CSMD1: variants seen among roughly 807,000 people sequenced by gnomAD.
CSMD1 encodes CUB and Sushi multiple domains 1.
In CSMD1, 213 loss-of-function variants were observed where a neutral mutation model predicts 417.5. That is an observed-to-expected ratio of 0.51 (90% CI 0.46 to 0.57). CSMD1 has a LOEUF of 0.57. Among genes scored for constraint, CSMD1 ranks in the 20% least tolerant of loss-of-function variants. The pLI is 0.00. For synonymous variants in CSMD1, 2,862 were observed against 1,736.8 expected (o/e 1.65, Z -16.11); for missense variants, 6,923 against 4,529.7 (o/e 1.53, Z -15.17).
chr8:3,598,997 C>G (rs370757510), intron 8 of CSMD1, among the ~76,000 whole-genome samples: 1 of 152,036 alleles, frequency 6.6e-6, no homozygotes, highest in African/African-American at 2.4e-5. Flanking sequence ...AGGAGAATTC[C>G]GTGAATGTGG....
chr8:4,499,787 G>T (rs1441213428), intron 2 of CSMD1, among the ~76,000 whole-genome samples: 1 of 152,094 alleles, frequency 6.6e-6, no homozygotes, highest in Non-Finnish European at 1.5e-5. Context: ...GGGAAGGAAG[G>T]GAAGTAAATT....
chr8:4,498,873 G>A (rs73180927), intron 2 of CSMD1, among the ~76,000 whole-genome samples: 2,496 of 152,120 alleles, frequency 0.016, 29 homozygotes, highest in Non-Finnish European at 0.025. Context: ...CACCCCAGAA[G>A]TCAAAATAAT....
At chr8:3,241,240 T>G (rs58749976) in intron 26 of CSMD1, among the ~76,000 whole-genome samples, 9 of 148,242 alleles carry the variant, frequency 6.1e-5, no homozygotes, top group Non-Finnish European at 1.1e-4. Flanking sequence ...CTTAAAAGAG[T>G]ATTGTCTAAG....
At chr8:4,468,341 G>T (rs535595354) in intron 2 of CSMD1, among the ~76,000 whole-genome samples, 2 of 152,258 alleles carry the variant, frequency 1.3e-5, no homozygotes, top group African/African-American at 4.8e-5. Flanking sequence ...TTTTAAAGGT[G>T]TTATCACAAA....
At chr8:4,244,842 T>C (rs1445418152) in intron 3 of CSMD1, among the ~76,000 whole-genome samples, 7 of 152,208 alleles carry the variant, frequency 4.6e-5, no homozygotes, top group Admixed American at 4.6e-4. Context: ...GACCTCCTTC[T>C]GGTGTCATTG....
intron 23 of CSMD1, among the ~76,000 whole-genome samples, chr8:3,337,764 A>C (rs762932113): frequency 1.5e-4 from 23 of 152,318 alleles, no homozygotes; most frequent in Admixed American, 6.5e-4. Context: ...GGGTAGAGAG[A>C]AAGTCAGCCT....
chr8:4,594,534 G>C (rs906819364), intron 2 of CSMD1, among the ~76,000 whole-genome samples: 8 of 152,048 alleles, frequency 5.3e-5, no homozygotes, highest in African/African-American at 1.7e-4. Flanking sequence ...GTCACATTCT[G>C]AGTTATTGGG....
intron 53 of CSMD1, among the ~76,000 whole-genome samples, chr8:2,999,154 C>CTTTT (rs33927768): frequency 2.6e-5 from 3 of 116,452 alleles, no homozygotes; most frequent in Non-Finnish European, 5.2e-5. Flanking sequence ...TTTTTTTTCC[C>CTTTT]TTTTTTTTTT....
At chr8:3,983,265 G>A (rs1372543358) in intron 5 of CSMD1, among the ~76,000 whole-genome samples, 1 of 151,778 alleles carries the variant, frequency 6.6e-6, no homozygotes, top group East Asian at 1.9e-4. Flanking sequence ...CGAGTAGCTG[G>A]GACTACAGGC....
intron 40 of CSMD1, among the ~76,000 whole-genome samples, chr8:3,150,010 C>G (rs1399897631): frequency 6.6e-6 from 1 of 152,142 alleles, no homozygotes; most frequent in Admixed American, 6.5e-5. Flanking sequence ...CCCCTGACTC[C>G]AAAGATTAGT....
At position 3,895,317 on chromosome 8, in the gene CSMD1, C is replaced by G. The variant is rs374806053; in HGVS notation, c.818+102586G>C. The stretch of plus-strand genomic sequence containing the variant: ...AAGTAAACCTATCTATGTTTATTAA[C>G]ATAGATTTATGTTTGGAGTTACAAC... On this transcript the variant is annotated intron_variant, in intron 5 of 69. Transcript: ENST00000635120. Among the ~76,000 whole-genome samples, 12 of 152,224 alleles carry G rather than the reference C, an allele frequency of 7.9e-5. No individual in the cohort carries two copies. In the South Asian group the frequency reaches 1.7e-3, roughly 21 times the overall value.
At chr8:3,270,678 A>G (rs1801779606) in intron 26 of CSMD1, among the ~76,000 whole-genome samples, 2 of 152,202 alleles carry the variant, frequency 1.3e-5, no homozygotes, top group Admixed American at 1.3e-4. Context: ...TTCTGATAAT[A>G]AACATACAAA....
chr8:4,028,714 C>A (rs540749144), intron 4 of CSMD1, among the ~76,000 whole-genome samples: 3 of 152,158 alleles, frequency 2.0e-5, no homozygotes, highest in Non-Finnish European at 4.4e-5. Context: ...ATTTCTTTAC[C>A]TTTTAAATGA....
chr8:3,019,301 C>T (rs1809148949), intron 51 of CSMD1, among the ~76,000 whole-genome samples: 1 of 152,146 alleles, frequency 6.6e-6, no homozygotes, highest in Non-Finnish European at 1.5e-5. Context: ...AGTATAAATG[C>T]AGAAGCGTGT....
intron 2 of CSMD1, among the ~76,000 whole-genome samples, chr8:4,488,911 TA>T (rs1484801675): frequency 6.6e-6 from 1 of 152,206 alleles, no homozygotes; most frequent in Non-Finnish European, 1.5e-5. Context: ...CAGCAATTAC[TA>T]AACATTTTTT....
At chr8:4,435,923 G>A (rs1053261505) in intron 2 of CSMD1, among the ~76,000 whole-genome samples, 1 of 152,068 alleles carries the variant, frequency 6.6e-6, no homozygotes, top group African/African-American at 2.4e-5. Flanking sequence ...AAAATAATTA[G>A]AATTTTAACC....
chr8:4,106,044 C>T (rs1027551955), intron 3 of CSMD1, among the ~76,000 whole-genome samples: 6 of 152,168 alleles, frequency 3.9e-5, no homozygotes, highest in Non-Finnish European at 5.9e-5. Flanking sequence ...CAAGGTAGGC[C>T]AGATTTTAGG....
intron 3 of CSMD1, among the ~76,000 whole-genome samples, chr8:4,131,589 C>T (rs1461974453): frequency 6.6e-6 from 1 of 152,034 alleles, no homozygotes; most frequent in Non-Finnish European, 1.5e-5. Flanking sequence ...ACTGCATAGT[C>T]CCTAATGCTT....
At chr8:4,333,866 A>T (rs1257823340) in intron 3 of CSMD1, among the ~76,000 whole-genome samples, 1 of 151,918 alleles carries the variant, frequency 6.6e-6, no homozygotes, top group Non-Finnish European at 1.5e-5. Flanking sequence ...TAACATGGGG[A>T]TTCTAATACA....
Sources: gnomAD v4.1 joint callset for allele counts (sites outside exome capture counted in the v4.1 genomes callset) on GRCh38, gnomAD v4.1.1 for gene constraint, MANE v1.5 for transcripts, NCBI Gene and HGNC (gene_info 2026-07-23, HGNC 2026-07-21) for gene names.